The following MPHOSPH8 variants were observed in gnomAD, a reference collection of about 807,000 sequenced individuals.
The protein encoded by MPHOSPH8 is M-phase phosphoprotein, mpp.
In MPHOSPH8, 45 loss-of-function variants were observed where a neutral mutation model predicts 87.3. The ratio of observed to expected loss-of-function variants is 0.52; its 90% CI spans 0.41 to 0.66. MPHOSPH8 has a LOEUF of 0.66. Ranked by LOEUF, MPHOSPH8 falls within the 30% of genes least tolerant of loss-of-function variation. MPHOSPH8 has a pLI of 0.00. For synonymous variants in MPHOSPH8, 366 were observed against 376.9 expected (o/e 0.97, Z 0.33); for missense variants, 883 against 1,020.2 (o/e 0.87, Z 1.83).
At chr13:19,668,199 GACA>G (rs1210678876) in intron 10 of MPHOSPH8, among the ~76,000 whole-genome samples, 175 bp from the exon 11 acceptor site, 1 of 152,240 alleles carries the variant, frequency 6.6e-6, no homozygotes, top group South Asian at 2.1e-4. Context: ...CACTGAGATG[GACA>G]ACAAGACAGA....
chr13:19,645,847 A>G (rs550660429), intron 2 of MPHOSPH8, among the ~76,000 whole-genome samples: 2 of 151,896 alleles, frequency 1.3e-5, no homozygotes, highest in Non-Finnish European at 2.9e-5. Flanking sequence ...TACTTTGCAT[A>G]GTGTTTTTGT....
intron 11 of MPHOSPH8, among the ~76,000 whole-genome samples, chr13:19,669,741 C>G (rs916617601): frequency 6.7e-6 from 1 of 150,262 alleles, no homozygotes; most frequent in Non-Finnish European, 1.5e-5. Flanking sequence ...AACTCCTGGC[C>G]TCAAGTGATC....
At chr13:19,642,039 A>ATTTTTTT in intron 1 of MPHOSPH8, 76 bp from the exon 2 acceptor site, 1 of 491,718 alleles carries the variant, frequency 2.0e-6, no homozygotes, top group Non-Finnish European at 3.1e-6. Context: ...TCTTCTCATC[A>ATTTTTTT]GTTTTTTTTT....
intron 2 of MPHOSPH8, among the ~76,000 whole-genome samples, chr13:19,644,205 A>G (rs1234294921): frequency 6.9e-6 from 1 of 144,426 alleles, no homozygotes; most frequent in African/African-American, 2.9e-5. Context: ...TGCCGATGCA[A>G]TTTTGTTGAG....
At chr13:19,668,775 G>T (rs1875960180) in intron 11 of MPHOSPH8, among the ~76,000 whole-genome samples, 1 of 151,444 alleles carries the variant, frequency 6.6e-6, no homozygotes, top group Admixed American at 6.6e-5. Flanking sequence ...AGTTCTCAAT[G>T]AGTTTTATTA....
chr13:19,645,512 C>T (rs112072322), intron 2 of MPHOSPH8, among the ~76,000 whole-genome samples: 93 of 152,230 alleles, frequency 6.1e-4, no homozygotes, highest in African/African-American at 2.2e-3. Flanking sequence ...TGGCTCACCC[C>T]TGTAATCCTA....
chr13:19,654,326 CAG>C (rs535646024), intron 5 of MPHOSPH8, among the ~76,000 whole-genome samples: 61 of 152,210 alleles, frequency 4.0e-4, no homozygotes, highest in South Asian at 8.3e-4. Context: ...CAGGGCCTGT[CAG>C]GGGGTAGGGG....
In MPHOSPH8 at chr13:19,672,948, C is replaced by T. The variant is rs984148510; in HGVS notation, c.*1073C>T. ...GAACAAGCCTGTAGTCCCAGATACT[C>T]AGGAGGCTGAGGTGAAAGGATTGCT... is the stretch of plus-strand genomic sequence containing the variant. On this transcript the variant is annotated 3_prime_UTR_variant, in exon 14 of 14. Transcript: ENST00000361479. 5.2e-6 allele frequency: 2 copies of T among 383,532 alleles called. No individual in the cohort carries two copies. The highest frequency in any genetic ancestry group is 1.0e-5 in the Non-Finnish European group (2 of 199,490). 23.8% of individuals were successfully genotyped at this position (383,532 alleles called of 1,614,324 possible).
chr13:19,647,108 G>A lies in MPHOSPH8; in HGVS notation c.1035G>A (p.Arg345=), dbSNP rs1230972447. 3.1e-6 allele frequency: 5 copies of A among 1,613,564 alleles called. No homozygotes were observed. Among genetic ancestry groups the A allele is most frequent in the Admixed American group, 1.7e-5 (1 of 59,844 alleles). ...PRKAEDTREN[R]KLENKNAFLE... Reference sequence around the variant, plus strand: ...AGGCTGAGGACACTAGAGAGAACAGGAAGCTAGAGAACAAGAACGCTTTCT... The same window carrying A: ...AGGCTGAGGACACTAGAGAGAACAGAAAGCTAGAGAACAAGAACGCTTTCT... Residue 345 remains arginine, a synonymous_variant, in exon 3 of 14, where the codon AGG becomes AGA. Transcript: ENST00000361479.
intron 5 of MPHOSPH8, among the ~76,000 whole-genome samples, 187 bp from the exon 6 acceptor site, chr13:19,658,808 T>C (rs1431550676): frequency 6.6e-6 from 1 of 152,222 alleles, no homozygotes; most frequent in Non-Finnish European, 1.5e-5. Context: ...CTTCTAAATG[T>C]GGATCGTTCA....
chr13:19,668,323 G>C (rs1875930224), intron 10 of MPHOSPH8, 54 bp from the exon 11 acceptor site: 1 of 1,543,456 alleles, frequency 6.5e-7, no homozygotes, highest in Non-Finnish European at 8.8e-7. Flanking sequence ...GTATTCGACA[G>C]GCTTGTGGTT....
chr13:19,646,975 G>T lies in MPHOSPH8; in HGVS notation c.902G>T (p.Gly301Val). ...ACTAAAAGTGCAAGAGAGAGAGCAG[G>T]GCAGGACATGGGGCTGGAGCATGGC... ...QNTKSARERA[G>V]QDMGLEHGFE... The change falls in exon 3 of 14, where the codon GGG (glycine) becomes GTG (valine). Residue 301 changes from glycine (G) to valine (V), a missense_variant. Gly to Val is a moderately radical substitution (Grantham distance 109). Around this residue, in one of 3 missense-constraint regions of MPHOSPH8, gnomAD observed 741 missense variants for 841.5 expected, o/e 0.88. Coordinates refer to ENST00000361479, the MANE Select transcript of MPHOSPH8 (RefSeq NM_017520.4). 3 of 1,594,652 alleles carry T rather than the reference G, an allele frequency of 1.9e-6. No individual in the cohort carries two copies. The highest frequency in any genetic ancestry group is 2.6e-6 in the Non-Finnish European group (3 of 1,174,954).
At chr13:19,651,895 C>T (rs1012931406) in intron 5 of MPHOSPH8, among the ~76,000 whole-genome samples, 14 of 151,770 alleles carry the variant, frequency 9.2e-5, no homozygotes, top group Non-Finnish European at 1.8e-4. Flanking sequence ...GTCAGGAGTC[C>T]GAGACCAGCC....
In MPHOSPH8 at chr13:19,668,455, C is replaced by A. The variant is rs757133284; in HGVS notation, c.2253C>A (p.Ile751=). ...CTCTGCTAGAACCAGTTTTTCCAAT[C>A]GCATGTCATCGACTCTGTGAGGGTC... The part of the protein sequence containing the change: ...RLALLEPVFP[I]ACHRLCEGPD... The change falls in exon 11 of 14, where the codon ATC becomes ATA. Residue 751 remains isoleucine (I), a synonymous_variant. Transcript: ENST00000361479. 4 of 1,613,836 alleles carry A rather than the reference C, an allele frequency of 2.5e-6. No individual in the cohort carries two copies. Among genetic ancestry groups the A allele is most frequent in the Non-Finnish European group, 3.4e-6 (4 of 1,179,890 alleles).
At chr13:19,662,746 ATAATT>A (rs1222304018) in intron 8 of MPHOSPH8, among the ~76,000 whole-genome samples, 4 of 152,202 alleles carry the variant, frequency 2.6e-5, no homozygotes, top group Non-Finnish European at 4.4e-5. Flanking sequence ...CTTTTGGTTA[ATAATT>A]TAATTGAAAT....
chr13:19,636,486 T>G (rs1053769327), intron 1 of MPHOSPH8, among the ~76,000 whole-genome samples: 1 of 150,162 alleles, frequency 6.7e-6, no homozygotes, highest in African/African-American at 2.5e-5. Flanking sequence ...TATATTAATT[T>G]CCTTTTTTTT....
At chr13:19,639,797 CTT>C (rs1874192880) in intron 1 of MPHOSPH8, among the ~76,000 whole-genome samples, 1 of 152,104 alleles carries the variant, frequency 6.6e-6, no homozygotes, top group Non-Finnish European at 1.5e-5. Flanking sequence ...GTCGTGAAAA[CTT>C]ATTCCTGTGT....
At chr13:19,662,461 TTG>T (rs1875595795) in intron 8 of MPHOSPH8, among the ~76,000 whole-genome samples, 2 of 151,870 alleles carry the variant, frequency 1.3e-5, no homozygotes, top group South Asian at 4.1e-4. Flanking sequence ...TCTCACTGTG[TTG>T]CCCAGCCTGG....
rs752065295 is a variant in MPHOSPH8 at position 19,671,925 on chromosome 13, CTCTT to C, written c.*52_*55del. ...TTCTCTTCAGACCGATTCCTATACT[CTCTT>C]TGACAGCAGTTTGGAATTCTTCTAG... is the stretch of plus-strand genomic sequence containing the variant. On this transcript the variant is annotated 3_prime_UTR_variant, in exon 14 of 14. Transcript: ENST00000361479. 12 of 1,570,884 alleles carry C rather than the reference CTCTT, an allele frequency of 7.6e-6. No homozygotes were observed. The highest frequency in any genetic ancestry group is 1.4e-5 in the African/African-American group (1 of 73,866).
Sources: allele counts gnomAD v4.1 joint callset (sites outside exome capture counted in the v4.1 genomes callset), GRCh38; gene constraint gnomAD v4.1.1; regional missense constraint gnomAD v4.1.1; transcripts MANE v1.5; gene names NCBI Gene and HGNC (gene_info 2026-07-23, HGNC 2026-07-21).